APBA2: variants seen among roughly 807,000 people sequenced by gnomAD.
APBA2 encodes the protein amyloid beta precursor protein binding family A member 2.
A neutral mutation model predicts 75.0 loss-of-function variants in APBA2; 30 were observed. The observed-to-expected ratio is 0.40, with a 90% CI of 0.30 to 0.54. The LOEUF is 0.54. Ranked by LOEUF, APBA2 falls within the 20% of genes least tolerant of loss-of-function variation. APBA2 has a pLI of 0.49. For synonymous variants in APBA2, 444 were observed against 409.6 expected, an observed-to-expected ratio of 1.08 and a Z score of -1.01; for missense variants, 801 against 1,016.1, an observed-to-expected ratio of 0.79 and a Z score of 2.88.
chr15:29,039,098 GGTGTGTGTGTGT>G (rs57326919), intron 3 of APBA2, among the ~76,000 whole-genome samples: 4,397 of 106,286 alleles, frequency 0.041, 186 homozygotes, highest in African/African-American at 0.13. Context: ...TGTATGTCAG[GGTGTGTGTGTGT>G]GTGTGTGTGT....
intron 3 of APBA2, among the ~76,000 whole-genome samples, chr15:29,016,188 C>T (rs1036918518): frequency 1.1e-4 from 17 of 152,064 alleles, no homozygotes; most frequent in African/African-American, 3.9e-4. Flanking sequence ...ACCAGGGAGT[C>T]GAAGGTTGCA....
chr15:29,109,291 G>A (rs968449197), intron 13 of APBA2, among the ~76,000 whole-genome samples: 11 of 152,192 alleles, frequency 7.2e-5, no homozygotes, highest in South Asian at 4.1e-4. Flanking sequence ...TACACCCACC[G>A]TCAGGGTGGA....
chr15:28,912,380 C>G (rs1182133277), intron 1 of APBA2, among the ~76,000 whole-genome samples: 1 of 152,178 alleles, frequency 6.6e-6, no homozygotes, highest in Non-Finnish European at 1.5e-5. Flanking sequence ...AAACTGTGGC[C>G]TCACTGAGGA....
Position 29,102,942 on chromosome 15 carries a change from T to A in APBA2, c.1524+1158T>A, listed in dbSNP as rs1478149100. Among the ~76,000 whole-genome samples the A allele has an allele frequency of 2.4e-5, 3 of 126,044 alleles. No individual in the cohort carries two copies. The East Asian group carries it at 7.2e-4, about 30-fold the overall frequency. The allele number at this position is 126,044 out of a possible 152,430, so 82.7% of individuals were successfully genotyped here. On this transcript the variant is annotated intron_variant, in intron 10 of 14. Transcript: ENST00000683413. ...CCTTTGGCTGGCGCAGTCATCTTCTTCCTAAGAACTTGGGTCCACTTGAAG... is the reference window on the plus strand; with the variant it reads ...CCTTTGGCTGGCGCAGTCATCTTCTACCTAAGAACTTGGGTCCACTTGAAG...
At chr15:28,888,438 G>A (rs1378469847) in intron 1 of APBA2, among the ~76,000 whole-genome samples, 1 of 152,164 alleles carries the variant, frequency 6.6e-6, no homozygotes. Flanking sequence ...TGTTGGAGTG[G>A]GGAGAGTGGG....
At chr15:28,962,158 C>T (rs912722757) in intron 2 of APBA2, among the ~76,000 whole-genome samples, 22 of 152,158 alleles carry the variant, frequency 1.4e-4, no homozygotes, top group African/African-American at 5.3e-4. Flanking sequence ...CATTGAGGTT[C>T]ATTGTGGCTG....
In APBA2 at chr15:28,888,639, C is replaced by T. The variant is rs577944068; in HGVS notation, c.-205+2361C>T. On this transcript the variant is annotated intron_variant, in intron 1 of 14. Coordinates refer to ENST00000683413, the MANE Select transcript of APBA2 (RefSeq NM_001353788.2). ...GACTGGCGGTCGGTGGGGATCGAGA[C>T]CCAGCACACATCACTGGGTGGCTCG... Among the ~76,000 whole-genome samples, 9 of 152,342 alleles carry T rather than the reference C, an allele frequency of 5.9e-5. No individual in the cohort carries two copies. The South Asian group carries it at 8.3e-4, about 14-fold the overall frequency.
chr15:29,118,014 G>GT lies in APBA2; in HGVS notation c.*882dup, dbSNP rs2045317076. On this transcript the variant is annotated 3_prime_UTR_variant, in exon 15 of 15. Coordinates refer to ENST00000683413, the MANE Select transcript of APBA2 (RefSeq NM_001353788.2). ...TTGGCCGCACCTAAAGCAGCCAGCC[G>GT]TGAGTGCAGACCCCTTGGCCAGCGT... 6.5e-6 allele frequency: 1 copy of GT among 152,746 alleles called. No individual in the cohort carries two copies. Among genetic ancestry groups the GT allele is most frequent in the Non-Finnish European group, 1.5e-5 (1 of 68,140 alleles). The allele number at this position is 152,746 out of a possible 1,614,324, so 9.5% of individuals were successfully genotyped here. A position where few individuals can be genotyped will look rare whatever the true frequency, so the allele number is the denominator to read the frequency against.
At chr15:28,932,825 A>G (rs66954573) in intron 2 of APBA2, among the ~76,000 whole-genome samples, 46 of 152,154 alleles carry the variant, frequency 3.0e-4, no homozygotes, top group African/African-American at 9.9e-4. Flanking sequence ...GGAGGGAGAC[A>G]TTGGAATTCA....
chr15:28,900,457 A>T (rs1015205762), intron 1 of APBA2, among the ~76,000 whole-genome samples: 1 of 152,182 alleles, frequency 6.6e-6, no homozygotes, highest in Non-Finnish European at 1.5e-5. Context: ...TTGGTGACAC[A>T]TCACAGTTGC....
chr15:28,954,022 C>T (rs2036032539), intron 2 of APBA2, among the ~76,000 whole-genome samples: 1 of 152,202 alleles, frequency 6.6e-6, no homozygotes, highest in Non-Finnish European at 1.5e-5. Context: ...CTGGCCATCT[C>T]AACCCCAATC....
intron 3 of APBA2, among the ~76,000 whole-genome samples, chr15:28,997,621 A>G (rs1443807513): frequency 2.6e-5 from 4 of 151,944 alleles, no homozygotes. Flanking sequence ...CAGCCCATCC[A>G]CCCTCTAGGG....
intron 3 of APBA2, among the ~76,000 whole-genome samples, chr15:29,022,486 T>C (rs79049282): frequency 0.14 from 14,346 of 101,568 alleles, 791 homozygotes; most frequent in East Asian, 0.45. Context: ...TTGAAATTTA[T>C]TTTTGTGAAT....
chr15:28,914,686 C>G (rs1259846075), intron 1 of APBA2, among the ~76,000 whole-genome samples: 41 of 152,112 alleles, frequency 2.7e-4, no homozygotes, highest in African/African-American at 9.4e-4. Flanking sequence ...AAATATCTTC[C>G]CCAGGATTCC....
At chr15:28,997,296 A>C (rs1365780747) in intron 3 of APBA2, among the ~76,000 whole-genome samples, 2 of 152,226 alleles carry the variant, frequency 1.3e-5, no homozygotes, top group African/African-American at 4.8e-5. Flanking sequence ...CTGCGTGATT[A>C]TTAATGGGTT....
chr15:28,899,931 C>T (rs909050594), intron 1 of APBA2, among the ~76,000 whole-genome samples: 4 of 152,280 alleles, frequency 2.6e-5, no homozygotes, highest in East Asian at 1.9e-4. Flanking sequence ...AGATGCTTTG[C>T]GACACAGTGG....
intron 6 of APBA2, among the ~76,000 whole-genome samples, chr15:29,089,921 C>T (rs2043476651): frequency 6.6e-6 from 1 of 152,196 alleles, no homozygotes; most frequent in African/African-American, 2.4e-5. Context: ...AGCAAAATAA[C>T]AGCAATTTCT....
chr15:29,024,420 GGCC>G (rs1311833747), intron 3 of APBA2, among the ~76,000 whole-genome samples: 2 of 152,064 alleles, frequency 1.3e-5, no homozygotes, highest in African/African-American at 4.8e-5. Flanking sequence ...TCTTTACCAG[GGCC>G]TGGTCACTGC....
chr15:28,899,154 C>T (rs1056287433), intron 1 of APBA2, among the ~76,000 whole-genome samples: 6 of 152,318 alleles, frequency 3.9e-5, no homozygotes, highest in African/African-American at 9.6e-5. Flanking sequence ...CCCATGTCCT[C>T]GCAGCCCAGA....
Sources: allele counts gnomAD v4.1 joint callset (sites outside exome capture counted in the v4.1 genomes callset), GRCh38; gene constraint gnomAD v4.1.1; transcripts MANE v1.5; gene names NCBI Gene and HGNC (gene_info 2026-07-23, HGNC 2026-07-21).